Variants in LRRC4C observed in about 807,000 individuals in gnomAD.
The protein encoded by LRRC4C is leucine-rich repeat-containing protein 4C.
LRRC4C carries 5 observed loss-of-function variants against 33.6 expected under a neutral mutation model. The observed-to-expected ratio is 0.15, with a 90% CI of 0.08 to 0.31. LRRC4C has a LOEUF of 0.31. LRRC4C is among the 10% of genes least tolerant of loss of function. The pLI, the probability that LRRC4C is intolerant of heterozygous loss-of-function variation, is 1.00. For missense variants in LRRC4C, 560 were observed against 796.7 expected (o/e 0.70, Z 3.58); for synonymous variants, 329 against 302.0 (o/e 1.09, Z -0.93).
intron 1 of LRRC4C, among the ~76,000 whole-genome samples, chr11:41,102,785 C>G (rs1315912698): frequency 1.3e-5 from 2 of 152,000 alleles, no homozygotes; most frequent in African/African-American, 4.8e-5. Flanking sequence ...CCAAATATGG[C>G]ATGTGAGATA....
intron 1 of LRRC4C, among the ~76,000 whole-genome samples, chr11:41,260,058 C>T (rs1160959759): frequency 6.6e-6 from 1 of 151,836 alleles, no homozygotes; most frequent in Non-Finnish European, 1.5e-5. Flanking sequence ...TTCTTAAGCC[C>T]TCTGGAGATT....
intron 1 of LRRC4C, among the ~76,000 whole-genome samples, chr11:40,981,875 A>G (rs1285973937): frequency 2.0e-5 from 3 of 152,244 alleles, no homozygotes; most frequent in Non-Finnish European, 2.9e-5. Flanking sequence ...CTTTATCTCA[A>G]TACAAGTCCT....
At chr11:40,960,402 G>T (rs2094083567) in intron 1 of LRRC4C, among the ~76,000 whole-genome samples, 1 of 151,532 alleles carries the variant, frequency 6.6e-6, no homozygotes, top group African/African-American at 2.4e-5. Context: ...TCTTTTAATT[G>T]TTTTCCAGCT....
Position 40,453,374 on chromosome 11 carries a change from C to T in LRRC4C, c.-269-133653G>A, listed in dbSNP as rs189630622. ...AAAAAAATGGAAAATCTAAATTGTC[C>T]GATAACAACTAAAGAAATTGAATTA... On this transcript the variant is annotated intron_variant, in intron 3 of 6. Coordinates refer to ENST00000528697, the MANE Select transcript of LRRC4C (RefSeq NM_001258419.2). Among the ~76,000 whole-genome samples, 602 of 151,804 alleles carry T rather than the reference C, an allele frequency of 4.0e-3. 3 individuals carry two copies. Among genetic ancestry groups the T allele is most frequent in the Non-Finnish European group, 6.9e-3 (469 of 67,898 alleles).
At chr11:41,133,148 A>G (rs1042536102) in intron 1 of LRRC4C, among the ~76,000 whole-genome samples, 3 of 152,156 alleles carry the variant, frequency 2.0e-5, no homozygotes, top group Non-Finnish European at 4.4e-5. Context: ...CAAAGACCAT[A>G]GCTTTTCATC....
chr11:41,013,937 C>T (rs1489542236), intron 1 of LRRC4C, among the ~76,000 whole-genome samples: 1 of 152,140 alleles, frequency 6.6e-6, no homozygotes, highest in African/African-American at 2.4e-5. Flanking sequence ...CTTGAGAGAA[C>T]TCATTCACTA....
chr11:40,117,316 A>G (rs1855506828), intron 6 of LRRC4C, among the ~76,000 whole-genome samples: 1 of 152,242 alleles, frequency 6.6e-6, no homozygotes, highest in Non-Finnish European at 1.5e-5. Flanking sequence ...AAACAGTGAC[A>G]TGCACATGTA....
chr11:40,562,615 G>A (rs1015770237), intron 3 of LRRC4C, among the ~76,000 whole-genome samples: 3 of 152,008 alleles, frequency 2.0e-5, no homozygotes, highest in South Asian at 2.1e-4. Context: ...TATTCTATTC[G>A]AGACTAGAGC....
intron 1 of LRRC4C, among the ~76,000 whole-genome samples, chr11:41,091,801 C>T (rs1003760115): frequency 2.6e-5 from 4 of 152,004 alleles, no homozygotes; most frequent in African/African-American, 7.2e-5. Flanking sequence ...AGGTGGCTGG[C>T]GTGTAATTTA....
chr11:40,785,466 C>T (rs1337462123), intron 2 of LRRC4C, among the ~76,000 whole-genome samples: 1 of 152,082 alleles, frequency 6.6e-6, no homozygotes, highest in Non-Finnish European at 1.5e-5. Flanking sequence ...AAAATGGCAT[C>T]TCTTGGTTAT....
intron 1 of LRRC4C, among the ~76,000 whole-genome samples, chr11:41,005,640 C>A (rs936902944): frequency 6.6e-6 from 1 of 151,864 alleles, no homozygotes; most frequent in African/African-American, 2.4e-5. Flanking sequence ...CTGCCCCTGG[C>A]GCCTCTCACT....
intron 2 of LRRC4C, among the ~76,000 whole-genome samples, chr11:40,660,686 C>T (rs1320366865): frequency 6.6e-6 from 1 of 152,128 alleles, no homozygotes; most frequent in Non-Finnish European, 1.5e-5. Context: ...CTGACACCCC[C>T]ACAGGACTCA....
chr11:40,700,490 G>A (rs1945814018), intron 2 of LRRC4C, among the ~76,000 whole-genome samples: 1 of 152,110 alleles, frequency 6.6e-6, no homozygotes, highest in Non-Finnish European at 1.5e-5. Context: ...AGTTTGCAAT[G>A]TAATTTCACA....
chr11:41,401,167 ATG>A (rs1954011443), intron 1 of LRRC4C, among the ~76,000 whole-genome samples: 1 of 151,928 alleles, frequency 6.6e-6, no homozygotes, highest in South Asian at 2.1e-4. Context: ...TTGTATAAGG[ATG>A]TACTGTACTA....
intron 1 of LRRC4C, among the ~76,000 whole-genome samples, chr11:41,366,751 G>A (rs75325001): frequency 0.019 from 2,881 of 152,130 alleles, 83 homozygotes; most frequent in African/African-American, 0.065. Flanking sequence ...AGAGATTAGG[G>A]ACAGATATAC....
At position 40,152,956 on chromosome 11, in the gene LRRC4C, A is replaced by C. The variant is rs550930361; in HGVS notation, c.-95-12103T>G. On this transcript the variant is annotated intron_variant, in intron 5 of 6. Transcript: ENST00000528697. ...CTACCACAGCTGCTGCTTTCTGGAAAGCACCACCTCCTGGCAGGAGGCCAA... is the reference window on the plus strand; with the variant it reads ...CTACCACAGCTGCTGCTTTCTGGAACGCACCACCTCCTGGCAGGAGGCCAA... Among the ~76,000 whole-genome samples the C allele has an allele frequency of 3.3e-5, 5 of 152,274 alleles. No homozygotes were observed. The South Asian group carries it at 1.0e-3, about 32-fold the overall frequency.
At chr11:41,004,547 T>G (rs1256217484) in intron 1 of LRRC4C, among the ~76,000 whole-genome samples, 1 of 152,312 alleles carries the variant, frequency 6.6e-6, no homozygotes, top group South Asian at 2.1e-4. Context: ...ATGTAAAAAT[T>G]TACGTATGTA....
At chr11:41,379,997 C>T (rs1039940462) in intron 1 of LRRC4C, among the ~76,000 whole-genome samples, 1 of 152,004 alleles carries the variant, frequency 6.6e-6, no homozygotes, top group Admixed American at 6.6e-5. Context: ...CACACACACA[C>T]TATTGTCCTC....
At chr11:40,546,123 T>C (rs891711487) in intron 3 of LRRC4C, among the ~76,000 whole-genome samples, 2 of 150,596 alleles carry the variant, frequency 1.3e-5, no homozygotes, top group Admixed American at 6.6e-5. Context: ...CCTTCCTTCC[T>C]TCCTTCCTTC....
Sources: allele counts gnomAD v4.1 joint callset (sites outside exome capture counted in the v4.1 genomes callset), GRCh38; gene constraint gnomAD v4.1.1; transcripts MANE v1.5; gene names NCBI Gene and HGNC (gene_info 2026-07-23, HGNC 2026-07-21).